The following LRRFIP2 variants were observed in gnomAD, a reference collection of about 807,000 sequenced individuals.
LRRFIP2 encodes the protein LRR binding FLII interacting protein 2.
LRRFIP2 carries 109 observed loss-of-function variants against 125.9 expected under a neutral mutation model. That is an observed-to-expected ratio of 0.87 (90% CI 0.74 to 1.01). The LOEUF is 1.01. Among genes scored for constraint, LRRFIP2 ranks in the 50% least tolerant of loss-of-function variants. The pLI is 0.00. For missense variants in LRRFIP2, 850 were observed against 862.3 expected (o/e 0.99, Z 0.18); for synonymous variants, 291 against 293.1 (o/e 0.99, Z 0.07).
At chr3:37,085,732 T>A (rs185869409) in intron 18 of LRRFIP2, among the ~76,000 whole-genome samples, 195 of 151,694 alleles carry the variant, frequency 1.3e-3, no homozygotes, top group African/African-American at 4.1e-3. Flanking sequence ...CAGGCACACA[T>A]CACCACTCCC....
intron 19 of LRRFIP2, among the ~76,000 whole-genome samples, chr3:37,078,694 G>A: frequency 6.6e-6 from 1 of 152,136 alleles, no homozygotes; most frequent in East Asian, 1.9e-4. Flanking sequence ...TGGTGGCAAT[G>A]AGCATCTCTA....
intron 1 of LRRFIP2, chr3:37,170,371 G>C (rs2096568681): frequency 6.6e-6 from 1 of 152,180 alleles, no homozygotes; most frequent in African/African-American, 2.4e-5. Context: ...ATCAGTTAAA[G>C]AACTTTAAAC....
At chr3:37,091,966 T>C (rs1045351480) in intron 17 of LRRFIP2, among the ~76,000 whole-genome samples, 1 of 152,210 alleles carries the variant, frequency 6.6e-6, no homozygotes, top group Non-Finnish European at 1.5e-5. Flanking sequence ...CAAATTTTAA[T>C]GATTCATGCA....
At chr3:37,150,509 A>T (rs1259543954) in intron 1 of LRRFIP2, among the ~76,000 whole-genome samples, 1 of 152,084 alleles carries the variant, frequency 6.6e-6, no homozygotes, top group Admixed American at 6.6e-5. Flanking sequence ...ACTATTACTT[A>T]TTAGACCTAT....
In LRRFIP2 at chr3:37,063,756, C is replaced by A; in HGVS notation, c.1735G>T (p.Glu579Ter). Residue 579 changes from glutamate to a stop codon, truncating the protein, a stop_gained, in exon 24 of 28, where the codon GAA becomes TAA. Coordinates refer to ENST00000336686, the MANE Select transcript of LRRFIP2 (RefSeq NM_006309.4). LOFTEE classifies it high-confidence loss of function. ...AATGCCTTTACCTGTGACAGTAGTT[C>A]TTCCTTCTCTCCAGCAAGTTTTCGT... Reference protein sequence around the residue: ...RLRKLAGEKEELLSQIRKLKL... With the variant: ...RLRKLAGEKE 2.5e-6 allele frequency: 4 copies of A among 1,611,554 alleles called. No homozygotes were observed. Among genetic ancestry groups the A allele is most frequent in the Non-Finnish European group, 3.4e-6 (4 of 1,177,920 alleles).
intron 6 of LRRFIP2, among the ~76,000 whole-genome samples, chr3:37,117,665 T>C (rs2094851255): frequency 6.6e-6 from 1 of 152,148 alleles, no homozygotes; most frequent in African/African-American, 2.4e-5. Context: ...CTGTCAAACT[T>C]GCCTGAAAGT....
intron 19 of LRRFIP2, among the ~76,000 whole-genome samples, chr3:37,080,941 T>A (rs143955615): frequency 1.3e-5 from 2 of 152,330 alleles, no homozygotes; most frequent in African/African-American, 4.8e-5. Context: ...ATAATATGAA[T>A]TATTGTTAAT....
At chr3:37,168,772 C>T (rs138114118) in intron 1 of LRRFIP2, among the ~76,000 whole-genome samples, 14 of 152,264 alleles carry the variant, frequency 9.2e-5, no homozygotes, top group Admixed American at 5.2e-4. Context: ...GTCCTATACA[C>T]GTGTGCCCTT....
intron 19 of LRRFIP2, among the ~76,000 whole-genome samples, chr3:37,077,447 A>G (rs954925099): frequency 6.6e-6 from 1 of 152,192 alleles, no homozygotes; most frequent in East Asian, 1.9e-4. Flanking sequence ...CTATTTTCTA[A>G]GAAGAGTAAG....
At chr3:37,078,310 C>T (rs1047851059) in intron 19 of LRRFIP2, among the ~76,000 whole-genome samples, 1 of 152,252 alleles carries the variant, frequency 6.6e-6, no homozygotes, top group South Asian at 2.1e-4. Context: ...TGGCCACACA[C>T]AGACTAGTGG....
At chr3:37,085,209 A>C (rs1204750540) in intron 18 of LRRFIP2, among the ~76,000 whole-genome samples, 2 of 152,158 alleles carry the variant, frequency 1.3e-5, no homozygotes, top group Non-Finnish European at 2.9e-5. Flanking sequence ...TTTCAGATAC[A>C]CCAAAAGCAC....
intron 23 of LRRFIP2, chr3:37,065,061 TAAG>T (rs3836488): frequency 6.5e-6 from 1 of 153,982 alleles, no homozygotes; most frequent in East Asian, 1.9e-4. Context: ...CTCACTCCTC[TAAG>T]AAGCTTACAC....
At chr3:37,114,153 A>C (rs1189274953) in intron 7 of LRRFIP2, among the ~76,000 whole-genome samples, 1 of 152,112 alleles carries the variant, frequency 6.6e-6, no homozygotes, top group African/African-American at 2.4e-5. Context: ...ATTACTCTGA[A>C]TATTTTAAGA....
intron 23 of LRRFIP2, chr3:37,064,475 T>C (rs370352347): frequency 1.3e-5 from 2 of 151,998 alleles, no homozygotes; most frequent in East Asian, 1.9e-4. Flanking sequence ...GCGCCTGTAA[T>C]CCCAGCTACT....
chr3:37,120,965 C>T (rs1361448331), intron 6 of LRRFIP2, among the ~76,000 whole-genome samples: 1 of 152,062 alleles, frequency 6.6e-6, no homozygotes, highest in Non-Finnish European at 1.5e-5. Context: ...TGACTTATAA[C>T]AATCCATGCA....
In LRRFIP2 at chr3:37,053,645, C is replaced by G. The variant is rs1271366634; in HGVS notation, c.*206G>C. ...AAAAACAGCATGGACTGGTTCTACC[C>G]TAGAATCAAACTACAACAAAATCCA... On this transcript the variant is annotated 3_prime_UTR_variant, in exon 28 of 28. Transcript: ENST00000336686. 8 of 560,838 alleles carry G rather than the reference C, an allele frequency of 1.4e-5. No homozygotes were observed. Among genetic ancestry groups the G allele is most frequent in the African/African-American group, 3.8e-5 (2 of 52,820 alleles). 34.7% of individuals were successfully genotyped at this position (560,838 alleles called of 1,614,324 possible).
chr3:37,066,218 A>G lies in LRRFIP2; in HGVS notation c.1566+6T>C. 1 of 1,612,348 alleles carries G rather than the reference A, an allele frequency of 6.2e-7. No homozygotes were observed. The highest frequency in any genetic ancestry group is 8.5e-7 in the Non-Finnish European group (1 of 1,178,370). ...GGACCTGAATTCCAGGCTAATGCTA[A>G]CATACCTCTCCCGTCTTCACTGTCT... On this transcript the variant is annotated splice_donor_region_variant and intron_variant, in intron 22 of 27. Transcript: ENST00000336686.
At chr3:37,056,543 A>T (rs541552674) in intron 25 of LRRFIP2, among the ~76,000 whole-genome samples, 1 of 151,412 alleles carries the variant, frequency 6.6e-6, no homozygotes, top group South Asian at 2.1e-4. Context: ...AAGCTCCATC[A>T]CCCAGGTTCA....
intron 1 of LRRFIP2, among the ~76,000 whole-genome samples, chr3:37,163,879 G>C (rs2150290039): frequency 6.6e-6 from 1 of 152,318 alleles, no homozygotes; most frequent in African/African-American, 2.4e-5. Flanking sequence ...AGGATATCTT[G>C]AGGAAACTTC....
Sources: gnomAD v4.1 joint callset for allele counts (sites outside exome capture counted in the v4.1 genomes callset) on GRCh38, gnomAD v4.1.1 for gene constraint, MANE v1.5 for transcripts, NCBI Gene and HGNC (gene_info 2026-07-23, HGNC 2026-07-21) for gene names.